CFAP47: variants seen among roughly 807,000 people sequenced by gnomAD.
CFAP47 encodes cilia- and flagella-associated protein 47.
Under a neutral mutation model 148.1 loss-of-function variants are expected in CFAP47, and 29 were observed. The observed-to-expected ratio is 0.20, with a 90% CI of 0.15 to 0.27. CFAP47 has a LOEUF of 0.27. CFAP47 is among the 10% of genes least tolerant of loss of function. The pLI is 1.00. For missense variants in CFAP47, 1,872 were observed against 1,697.5 expected (o/e 1.10, Z -1.81); for synonymous variants, 664 against 577.3 (o/e 1.15, Z -2.15).
rs1054899807 is a variant in CFAP47, at chrX:36,164,741, C to T, written c.6026+3972C>T. Among the ~76,000 whole-genome samples the T allele has an allele frequency of 3.6e-5, 4 of 111,484 alleles. No homozygotes were observed. In the Admixed American group the frequency reaches 3.8e-4, roughly 11 times the overall value. On this transcript the variant is annotated intron_variant, in intron 39 of 63. Transcript: ENST00000378653. ...ATCAAAGGAACAGAAATTTCCAACA[C>T]CTCCCAAAGTTCTCTTGTGTCCCTT...
intron 16 of CFAP47, 43 bp from the exon 17 acceptor site, chrX:35,991,778 C>A (rs923426087): frequency 3.5e-6 from 1 of 288,199 alleles, no homozygotes; most frequent in South Asian, 2.2e-4. Context: ...TTTTATTTAC[C>A]ATTAATTCAA....
At chrX:36,071,320 T>A (rs1601960103) in intron 27 of CFAP47, among the ~76,000 whole-genome samples, 1 of 112,347 alleles carries the variant, frequency 8.9e-6, no homozygotes, top group Middle Eastern at 4.6e-3. Flanking sequence ...CTAATATACA[T>A]ATATAGCAAC....
At chrX:36,009,747 C>T (rs1365954997) in intron 21 of CFAP47, among the ~76,000 whole-genome samples, 1 of 111,914 alleles carries the variant, frequency 8.9e-6, no homozygotes, top group Non-Finnish European at 1.9e-5. Flanking sequence ...AGTGTTTTGC[C>T]TATTAGGGCA....
chrX:36,050,902 T>G (rs1399053084), intron 26 of CFAP47, among the ~76,000 whole-genome samples: 1 of 112,295 alleles, frequency 8.9e-6, no homozygotes, highest in Non-Finnish European at 1.9e-5. Flanking sequence ...GCTCCAGCTA[T>G]GGCTAAAAGG....
chrX:36,214,591 T>A (rs868960529), intron 45 of CFAP47, among the ~76,000 whole-genome samples: 32 of 111,816 alleles, frequency 2.9e-4, no homozygotes, highest in African/African-American at 1.0e-3. Flanking sequence ...TTTCTTTATA[T>A]CCTTATTCTA....
At chrX:36,177,118 T>C (rs1477531590) in intron 39 of CFAP47, among the ~76,000 whole-genome samples, 2 of 111,690 alleles carry the variant, frequency 1.8e-5, no homozygotes. Context: ...AGTTATCAAG[T>C]AGGATTATTT....
At chrX:36,085,720 A>T (rs893661995) in intron 30 of CFAP47, among the ~76,000 whole-genome samples, 182 bp downstream of exon 30, 4 of 108,543 alleles carry the variant, frequency 3.7e-5, no homozygotes, top group Admixed American at 2.0e-4. Flanking sequence ...ATGGTAAAGT[A>T]TATATATCTC....
chrX:35,921,792 G>T (rs1164989382), intron 1 of CFAP47, among the ~76,000 whole-genome samples: 1 of 104,714 alleles, frequency 9.5e-6, no homozygotes, highest in Non-Finnish European at 1.9e-5. Context: ...TGGGGTGGGG[G>T]ATAAGAAAAA....
intron 33 of CFAP47, among the ~76,000 whole-genome samples, chrX:36,115,454 CAA>C (rs1938623639): frequency 9.0e-6 from 1 of 111,304 alleles, no homozygotes; most frequent in South Asian, 3.7e-4. Context: ...AAAAATCAAA[CAA>C]GTCAATATTG....
chrX:36,098,306 C>T (rs1472596255), intron 30 of CFAP47, among the ~76,000 whole-genome samples: 2 of 111,573 alleles, frequency 1.8e-5, no homozygotes, highest in Non-Finnish European at 3.8e-5. Flanking sequence ...CAGGAATGGT[C>T]CTTGGTGCCT....
intron 23 of CFAP47, among the ~76,000 whole-genome samples, chrX:36,033,052 G>C (rs780123044): frequency 1.8e-5 from 2 of 111,899 alleles, no homozygotes; most frequent in Non-Finnish European, 3.8e-5. Flanking sequence ...AAGGAACACA[G>C]TTCCTGCTAA....
At chrX:36,250,926 T>G (rs933939354) in intron 48 of CFAP47, among the ~76,000 whole-genome samples, 1 of 110,860 alleles carries the variant, frequency 9.0e-6, no homozygotes, top group Non-Finnish European at 1.9e-5. Flanking sequence ...TAAATATTTT[T>G]TATTTGTTTT....
intron 48 of CFAP47, among the ~76,000 whole-genome samples, chrX:36,244,220 G>C (rs181883425): frequency 9.0e-6 from 1 of 110,823 alleles, no homozygotes; most frequent in East Asian, 2.8e-4. Flanking sequence ...AAAATCTCTG[G>C]GATACAGCTA....
At chrX:36,371,340 T>C (rs1230780184) in intron 62 of CFAP47, among the ~76,000 whole-genome samples, 2 of 109,896 alleles carry the variant, frequency 1.8e-5, no homozygotes, top group East Asian at 2.9e-4. Context: ...TGGTAGAGTA[T>C]AGGAATTAGA....
intron 1 of CFAP47, among the ~76,000 whole-genome samples, chrX:35,922,506 C>A (rs1935593356): frequency 8.9e-6 from 1 of 112,661 alleles, no homozygotes; most frequent in Non-Finnish European, 1.9e-5. Flanking sequence ...TATTGGTTTT[C>A]CTTCTTGAAA....
At chrX:36,213,459 T>C (rs1940125002) in intron 45 of CFAP47, among the ~76,000 whole-genome samples, 1 of 111,577 alleles carries the variant, frequency 9.0e-6, no homozygotes, top group South Asian at 3.8e-4. Context: ...GGAAGGAGTC[T>C]AGAAACCTAT....
intron 45 of CFAP47, among the ~76,000 whole-genome samples, chrX:36,215,807 T>C (rs1038162454): frequency 2.7e-5 from 3 of 111,370 alleles, no homozygotes; most frequent in African/African-American, 9.8e-5. Context: ...CTAGGGACAA[T>C]AGAGGCTTCC....
chrX:36,218,275 C>T (rs782434110), intron 45 of CFAP47, among the ~76,000 whole-genome samples: 11 of 112,302 alleles, frequency 9.8e-5, no homozygotes, highest in Admixed American at 3.8e-4. Flanking sequence ...TGAAATCTTA[C>T]ATCAGTTGTT....
chrX:36,231,874 G>A (rs1369735303), intron 46 of CFAP47, among the ~76,000 whole-genome samples: 1 of 111,660 alleles, frequency 9.0e-6, no homozygotes, highest in Non-Finnish European at 1.9e-5. Flanking sequence ...AGATAATCAT[G>A]TGGTTTTTGT....
Sources: gnomAD v4.1 joint callset for allele counts (sites outside exome capture counted in the v4.1 genomes callset) on GRCh38, gnomAD v4.1.1 for gene constraint, MANE v1.5 for transcripts, NCBI Gene and HGNC (gene_info 2026-07-23, HGNC 2026-07-21) for gene names.